The following COX7B2 variants were observed in gnomAD, a reference collection of about 807,000 sequenced individuals.
The protein encoded by COX7B2 is cytochrome c oxidase subunit 7B2, mitochondrial.
For synonymous variants in COX7B2, 37 were observed against 32.1 expected (o/e 1.15, Z -0.51); for missense variants, 109 against 95.9 (o/e 1.14, Z -0.57).
intron 2 of COX7B2, among the ~76,000 whole-genome samples, chr4:46,824,534 GACAA>G (rs34024050): frequency 7.3e-5 from 11 of 150,468 alleles, no homozygotes; most frequent in South Asian, 2.1e-4. Flanking sequence ...TAGAAAAACA[GACAA>G]ACAAACAAAC....
At chr4:46,803,351 T>C (rs1718766936) in intron 2 of COX7B2, among the ~76,000 whole-genome samples, 1 of 152,076 alleles carries the variant, frequency 6.6e-6, no homozygotes, top group Non-Finnish European at 1.5e-5. Flanking sequence ...AGAAACAGGG[T>C]TGCCAGATAA....
intron 2 of COX7B2, among the ~76,000 whole-genome samples, chr4:46,739,896 T>C (rs1368879716): frequency 2.6e-5 from 4 of 152,124 alleles, no homozygotes; most frequent in African/African-American, 9.7e-5. Context: ...GACTCAATTC[T>C]ACAGGTCAGT....
chr4:46,907,322 C>G lies in COX7B2; in HGVS notation c.-105+1838G>C, dbSNP rs548691599. 2.0e-5 allele frequency among the ~76,000 whole-genome samples: 3 copies of G among 152,198 alleles called. No individual in the cohort carries two copies. The South Asian group carries it at 6.2e-4, about 32-fold the overall frequency. On this transcript the variant is annotated intron_variant, in intron 1 of 2. Coordinates refer to ENST00000355591, the MANE Select transcript of COX7B2 (RefSeq NM_130902.3). ...TTTGCTCCTAAAAACTTTTCTTTTT[C>G]TCCAGCTCTAACTTATTTTATTCTT...
At chr4:46,743,021 A>T (rs1183035725) in intron 2 of COX7B2, among the ~76,000 whole-genome samples, 1 of 152,160 alleles carries the variant, frequency 6.6e-6, no homozygotes, top group Non-Finnish European at 1.5e-5. Flanking sequence ...CCTTCCAACT[A>T]TACTCACTCT....
chr4:46,747,269 T>C lies in COX7B2; in HGVS notation c.-49-12028A>G, dbSNP rs190686543. The stretch of plus-strand genomic sequence containing the variant: ...CCCTCTATGTGTCCATATATTCTCA[T>C]CATTAAGCTCCTATTTTATTTTATT... On this transcript the variant is annotated intron_variant, in intron 2 of 2. Coordinates refer to ENST00000355591, the MANE Select transcript of COX7B2 (RefSeq NM_130902.3). 5.1e-3 allele frequency among the ~76,000 whole-genome samples: 772 copies of C among 151,884 alleles called. 2 individuals are homozygous for C. The highest frequency in any genetic ancestry group is 7.9e-3 in the South Asian group (38 of 4,818).
At chr4:46,826,199 A>G (rs1714678944) in intron 2 of COX7B2, among the ~76,000 whole-genome samples, 1 of 152,228 alleles carries the variant, frequency 6.6e-6, no homozygotes, top group Admixed American at 6.5e-5. Flanking sequence ...CCCATTAAAA[A>G]GTGAGCAAAG....
chr4:46,744,773 C>G (rs1204819630), intron 2 of COX7B2, among the ~76,000 whole-genome samples: 1 of 133,744 alleles, frequency 7.5e-6, no homozygotes, highest in Non-Finnish European at 1.5e-5. Context: ...GACGGAGTCT[C>G]TCTCTGTCAC....
At chr4:46,779,386 G>A (rs542031531) in intron 2 of COX7B2, among the ~76,000 whole-genome samples, 3 of 152,054 alleles carry the variant, frequency 2.0e-5, no homozygotes, top group African/African-American at 7.2e-5. Flanking sequence ...ATTCCGTTGT[G>A]TATATATATA....
intron 2 of COX7B2, among the ~76,000 whole-genome samples, chr4:46,767,258 AAGAC>A (rs978653138): frequency 2.0e-5 from 3 of 152,346 alleles, no homozygotes; most frequent in African/African-American, 7.2e-5. Flanking sequence ...TTGTCATAGA[AAGAC>A]AAACAATGTT....
intron 2 of COX7B2, among the ~76,000 whole-genome samples, chr4:46,844,051 T>C (rs1205073166): frequency 1.3e-5 from 2 of 151,930 alleles, no homozygotes; most frequent in Non-Finnish European, 2.9e-5. Context: ...ATATCAACAT[T>C]TGGGTTATTT....
chr4:46,892,018 G>C (rs1719459423), intron 1 of COX7B2, among the ~76,000 whole-genome samples: 1 of 152,140 alleles, frequency 6.6e-6, no homozygotes, highest in African/African-American at 2.4e-5. Flanking sequence ...CTTCAGGAGA[G>C]ACCATCCTAA....
At chr4:46,756,333 A>G (rs1715797717) in intron 2 of COX7B2, among the ~76,000 whole-genome samples, 1 of 152,004 alleles carries the variant, frequency 6.6e-6, no homozygotes, top group Admixed American at 6.6e-5. Context: ...AGACCTAAAC[A>G]TAAGACCTAA....
chr4:46,879,906 G>GT (rs1470966252), intron 1 of COX7B2, among the ~76,000 whole-genome samples: 6 of 152,120 alleles, frequency 3.9e-5, no homozygotes, highest in Non-Finnish European at 1.5e-5. Context: ...AGAACTCACA[G>GT]TTTTTTTCCT....
At position 46,766,695 on chromosome 4, in the gene COX7B2, C is replaced by T. The variant is rs373704145; in HGVS notation, c.-49-31454G>A. ...CAGCATGGGTGACAAAGAGAGACTCCGTCTCGAAAAGAAAAAAAAAAAAAA... is the reference window on the plus strand; with the variant it reads ...CAGCATGGGTGACAAAGAGAGACTCTGTCTCGAAAAGAAAAAAAAAAAAAA... On this transcript the variant is annotated intron_variant, in intron 2 of 2. Coordinates refer to ENST00000355591, the MANE Select transcript of COX7B2 (RefSeq NM_130902.3). Among the ~76,000 whole-genome samples, 113 of 131,450 alleles carry T rather than the reference C, an allele frequency of 8.6e-4. 4 individuals are homozygous for T. The South Asian group carries it at 0.027, about 32-fold the overall frequency. 86.2% of individuals were successfully genotyped at this position (131,450 alleles called of 152,430 possible).
intron 2 of COX7B2, among the ~76,000 whole-genome samples, chr4:46,831,207 G>A (rs933819239): frequency 3.3e-5 from 5 of 152,140 alleles, no homozygotes; most frequent in Admixed American, 3.3e-4. Context: ...GGGTGGGCCG[G>A]GTCCCCCAGC....
intron 2 of COX7B2, among the ~76,000 whole-genome samples, chr4:46,773,893 T>C (rs1717017097): frequency 6.6e-6 from 1 of 152,132 alleles, no homozygotes. Flanking sequence ...CTAAACTGAA[T>C]TTCATGATTC....
chr4:46,847,493 C>G (rs1302164087), intron 1 of COX7B2, among the ~76,000 whole-genome samples: 1 of 151,948 alleles, frequency 6.6e-6, no homozygotes, highest in African/African-American at 2.4e-5. Flanking sequence ...TATCCCAGGC[C>G]CAAATGATAC....
At position 46,815,586 on chromosome 4, in the gene COX7B2, T is replaced by C. The variant is rs73142949; in HGVS notation, c.-50+29374A>G. The stretch of plus-strand genomic sequence containing the variant: ...AAAAGAAGTTTCAACAAATTAAAAA[T>C]AATCTGTATTCTCCTACAGCTGCAG... On this transcript the variant is annotated intron_variant, in intron 2 of 2. Transcript: ENST00000355591. Among the ~76,000 whole-genome samples, 8 of 152,232 alleles carry C rather than the reference T, an allele frequency of 5.3e-5. No individual in the cohort carries two copies. The East Asian group carries it at 1.5e-3, about 29-fold the overall frequency.
intron 1 of COX7B2, among the ~76,000 whole-genome samples, chr4:46,870,225 G>A (rs894415070): frequency 6.6e-6 from 1 of 151,406 alleles, no homozygotes; most frequent in Non-Finnish European, 1.5e-5. Flanking sequence ...AAAAACTAAG[G>A]ACAAAAACCA....
Sources: allele counts gnomAD v4.1 joint callset (sites outside exome capture counted in the v4.1 genomes callset), GRCh38; gene constraint gnomAD v4.1.1; transcripts MANE v1.5; gene names NCBI Gene and HGNC (gene_info 2026-07-23, HGNC 2026-07-21).